The following TG variants were observed in gnomAD, a reference collection of about 807,000 sequenced individuals.
TG encodes thyroid hormones.
Under a neutral mutation model 324.7 loss-of-function variants are expected in TG, and 270 were observed. That is an observed-to-expected ratio of 0.83 (90% CI 0.75 to 0.92). The LOEUF is 0.92. TG is among the 40% of genes least tolerant of loss of function. TG has a pLI of 0.00. For synonymous variants in TG, 1,401 were observed against 1,327.0 expected (o/e 1.06, Z -1.21); for missense variants, 3,591 against 3,456.4 (o/e 1.04, Z -0.98).
At chr8:132,972,381 T>C (rs538048259) in intron 33 of TG, 2 of 604,246 alleles carry the variant, frequency 3.3e-6, no homozygotes, top group Admixed American at 5.9e-5. Flanking sequence ...TGTTAGGTGC[T>C]TGATAAGTAG....
chr8:132,956,534 C>T (rs1826898307), intron 27 of TG, among the ~76,000 whole-genome samples: 1 of 152,046 alleles, frequency 6.6e-6, no homozygotes, highest in African/African-American at 2.4e-5. Context: ...GAGTAGAGGT[C>T]AATCAAGTGA....
chr8:132,960,437 A>G (rs1827570119), intron 27 of TG, among the ~76,000 whole-genome samples: 1 of 152,188 alleles, frequency 6.6e-6, no homozygotes, highest in Non-Finnish European at 1.5e-5. Context: ...GACCATCAGG[A>G]AATGGTGTGG....
At chr8:132,898,999 G>T (rs1249011254) in intron 14 of TG, 89 bp downstream of exon 14, 12 of 1,154,902 alleles carry the variant, frequency 1.0e-5, no homozygotes, top group Non-Finnish European at 1.5e-5. Flanking sequence ...GTTCAGCTTA[G>T]TTAAAAGCTC....
At chr8:132,899,201 A>G (rs1428966435) in intron 14 of TG, among the ~76,000 whole-genome samples, 1 of 152,230 alleles carries the variant, frequency 6.6e-6, no homozygotes, top group Non-Finnish European at 1.5e-5. Context: ...AACTCTTTGA[A>G]AAATAAACAA....
At chr8:132,994,606 C>G (rs761598484) in intron 35 of TG, 113 of 1,125,008 alleles carry the variant, frequency 1.0e-4, no homozygotes, top group Non-Finnish European at 1.3e-4. Context: ...TTTAAATGAT[C>G]CTTCAGTCAT....
At chr8:133,044,418 A>G (rs1259439434) in intron 41 of TG, among the ~76,000 whole-genome samples, 1 of 152,136 alleles carries the variant, frequency 6.6e-6, no homozygotes, top group East Asian at 1.9e-4. Flanking sequence ...AATGAATTAA[A>G]TGTAATTCTT....
intron 41 of TG, chr8:133,047,547 C>G (rs1685521533): frequency 2.2e-6 from 1 of 459,488 alleles, no homozygotes; most frequent in Non-Finnish European, 4.0e-6. Flanking sequence ...ACACTGCGTT[C>G]AGTTTTGTTC....
At chr8:133,107,013 G>C (rs1306195038) in intron 43 of TG, among the ~76,000 whole-genome samples, 1 of 152,194 alleles carries the variant, frequency 6.6e-6, no homozygotes, top group African/African-American at 2.4e-5. Context: ...CACCTGCCTT[G>C]CTGATTTTCT....
intron 2 of TG, among the ~76,000 whole-genome samples, chr8:132,868,858 G>A (rs1435934711): frequency 2.0e-5 from 3 of 152,254 alleles, no homozygotes; most frequent in Admixed American, 2.0e-4. Context: ...CCTTTGCAAT[G>A]TGCATGCATT....
At chr8:132,993,639 A>G (rs1832598316) in intron 35 of TG, among the ~76,000 whole-genome samples, 1 of 152,210 alleles carries the variant, frequency 6.6e-6, no homozygotes, top group Non-Finnish European at 1.5e-5. Flanking sequence ...GCAGCTGTAC[A>G]TAGTGAGCCT....
At chr8:133,129,414 T>C (rs975675980) in intron 45 of TG, among the ~76,000 whole-genome samples, 1 of 152,196 alleles carries the variant, frequency 6.6e-6, no homozygotes, top group African/African-American at 2.4e-5. Context: ...ACTTTGAAAT[T>C]GGCTAAGGTG....
At chr8:132,984,491 A>G (rs1831281132) in intron 35 of TG, among the ~76,000 whole-genome samples, 2 of 152,216 alleles carry the variant, frequency 1.3e-5, no homozygotes, top group South Asian at 4.1e-4. Context: ...TTGCCATGTC[A>G]GATGGTGGAG....
intron 41 of TG, among the ~76,000 whole-genome samples, chr8:133,039,728 T>C (rs1197278250): frequency 2.0e-5 from 3 of 152,200 alleles, no homozygotes; most frequent in Non-Finnish European, 4.4e-5. Flanking sequence ...GAATGTATAT[T>C]GCTAGCATAG....
At chr8:132,880,332 A>G (rs1209268686) in intron 5 of TG, among the ~76,000 whole-genome samples, 2 of 152,262 alleles carry the variant, frequency 1.3e-5, no homozygotes, top group Non-Finnish European at 2.9e-5. Context: ...ATCAATGTGT[A>G]TTAAAACATT....
chr8:132,919,310 G>A (rs1820803597), intron 20 of TG, 66 bp from the exon 21 acceptor site: 3 of 1,540,354 alleles, frequency 1.9e-6, no homozygotes, highest in South Asian at 1.2e-5. Context: ...TACCCTGTGT[G>A]TTCTGGGATT....
chr8:133,096,282 G>C lies in TG; in HGVS notation c.7481G>C (p.Arg2494Thr), dbSNP rs768445997. Reference sequence around the variant, plus strand: ...CACTTCCTCCGTGAGCCTCCAGCCAGAGCACTGAAGAGGTCTTTATGGGTA... The same window carrying C: ...CACTTCCTCCGTGAGCCTCCAGCCACAGCACTGAAGAGGTCTTTATGGGTA... ...DGHFLREPPA[R>T]ALKRSLWVEV... is the part of the protein sequence containing the mutation. The change falls in exon 43 of 48, where the codon AGA becomes ACA. Residue 2494 changes from arginine to threonine, a missense_variant. By Grantham distance (71) the Arg-to-Thr change is moderately conservative (BLOSUM62 -1). Transcript: ENST00000220616. 3 of 1,614,238 alleles carry C rather than the reference G, an allele frequency of 1.9e-6. No homozygotes were observed. Among genetic ancestry groups the C allele is most frequent in the Non-Finnish European group, 2.5e-6 (3 of 1,180,052 alleles).
At chr8:133,120,109 C>T (rs1851022911) in intron 45 of TG, among the ~76,000 whole-genome samples, 1 of 152,140 alleles carries the variant, frequency 6.6e-6, no homozygotes. Context: ...CCAAGGCTCT[C>T]AGGAATCCAC....
chr8:132,959,499 CTT>C (rs535257979), intron 27 of TG, among the ~76,000 whole-genome samples: 1 of 152,094 alleles, frequency 6.6e-6, no homozygotes, highest in South Asian at 2.1e-4. Flanking sequence ...GATGCTGGGA[CTT>C]TTTTTGTATG....
At chr8:133,057,485 A>G (rs536493618) in intron 41 of TG, among the ~76,000 whole-genome samples, 1 of 152,274 alleles carries the variant, frequency 6.6e-6, no homozygotes, top group East Asian at 1.9e-4. Flanking sequence ...GGTAACCCCA[A>G]ACAGAGTTTT....
Sources: gnomAD v4.1 joint callset for allele counts (sites outside exome capture counted in the v4.1 genomes callset) on GRCh38, gnomAD v4.1.1 for gene constraint, MANE v1.5 for transcripts, NCBI Gene and HGNC (gene_info 2026-07-23, HGNC 2026-07-21) for gene names.